The following EYS variants were observed in gnomAD, a reference collection of about 807,000 sequenced individuals.
EYS encodes EGF-like photoreceptor maintenance factor.
In EYS, 250 loss-of-function variants were observed where a neutral mutation model predicts 282.1. That is an observed-to-expected ratio of 0.89 (90% confidence interval 0.80 to 0.98). The LOEUF is 0.98. EYS is among the 50% of genes least tolerant of loss of function. The probability of loss-of-function intolerance (pLI) is 0.00; values close to 1 mark genes in which losing one functional copy is unlikely to be tolerated. For synonymous variants in EYS, 1,355 were observed against 1,282.9 expected (o/e 1.06, Z -1.20); for missense variants, 4,016 against 3,709.0 (o/e 1.08, Z -2.15).
intron 26 of EYS, among the ~76,000 whole-genome samples, chr6:64,511,057 T>C (rs1777375424): frequency 6.6e-6 from 1 of 151,854 alleles, no homozygotes; most frequent in Admixed American, 6.6e-5. Flanking sequence ...AAATTGGTGG[T>C]TGATTTCAAA....
rs1561965128 is a variant in EYS, at chr6:64,388,718, CCA to C, written c.6048_6049del (p.Gly2017IlefsTer28). 1 of 1,537,900 alleles carries C rather than the reference CCA, an allele frequency of 6.5e-7. No individual in the cohort carries two copies. Among genetic ancestry groups the C allele is most frequent in the Non-Finnish European group, 8.8e-7 (1 of 1,141,048 alleles). On this transcript the variant is annotated frameshift_variant, in exon 29 of 43. Transcript: ENST00000503581. LOFTEE classifies it high-confidence loss of function. ...GATTTTCCCATGAAGGTCTGGAAAT[CCA>C]CCAATGAAGACAGATCCTGATTTTG... is the stretch of plus-strand genomic sequence containing the variant.
chr6:65,143,169 T>G (rs1764390897), intron 12 of EYS, among the ~76,000 whole-genome samples: 1 of 152,008 alleles, frequency 6.6e-6, no homozygotes, highest in Non-Finnish European at 1.5e-5. Flanking sequence ...GATATACTCA[T>G]GCAATGGAAT....
chr6:63,931,330 ATCATCCATCGT>A lies in EYS; in HGVS notation c.7055+53042_7055+53052del, dbSNP rs539417119. On this transcript the variant is annotated intron_variant, in intron 35 of 42. Coordinates refer to ENST00000503581, the MANE Select transcript of EYS (RefSeq NM_001142800.2). ...CTCACTCACTCACTCACTTCTCTGCATCATCCATCGTTGCTACCTATAGCTTCTTCCTCAAG... is the reference window on the plus strand; with the variant it reads ...CTCACTCACTCACTCACTTCTCTGCATGCTACCTATAGCTTCTTCCTCAAG... Among the ~76,000 whole-genome samples the A allele has an allele frequency of 7.2e-5, 11 of 152,280 alleles. No individual in the cohort carries two copies. In the East Asian group the frequency reaches 2.1e-3, roughly 29 times the overall value.
chr6:65,658,050 A>C (rs574266686), intron 1 of EYS, among the ~76,000 whole-genome samples: 1 of 151,968 alleles, frequency 6.6e-6, no homozygotes, highest in African/African-American at 2.4e-5. Context: ...TTTTAGGCAT[A>C]ATGTTATTGC....
At chr6:65,402,061 T>C (rs1466913957) in intron 7 of EYS, among the ~76,000 whole-genome samples, 1 of 151,860 alleles carries the variant, frequency 6.6e-6, no homozygotes, top group Non-Finnish European at 1.5e-5. Flanking sequence ...CTAACTAATA[T>C]CTATCTGCTG....
intron 5 of EYS, among the ~76,000 whole-genome samples, chr6:65,411,628 T>C (rs1228763821): frequency 3.3e-5 from 5 of 151,988 alleles, no homozygotes; most frequent in African/African-American, 1.2e-4. Flanking sequence ...TCTTACCCAC[T>C]TCTCTGCCCT....
At chr6:64,448,273 T>C (rs1775188728) in intron 26 of EYS, among the ~76,000 whole-genome samples, 1 of 152,180 alleles carries the variant, frequency 6.6e-6, no homozygotes, top group Non-Finnish European at 1.5e-5. Context: ...CACAGCAGTC[T>C]GAGATCAAAC....
At chr6:65,512,510 A>G (rs1481513017) in intron 2 of EYS, among the ~76,000 whole-genome samples, 2 of 143,408 alleles carry the variant, frequency 1.4e-5, no homozygotes, top group East Asian at 4.2e-4. Flanking sequence ...AAAAAAAAAA[A>G]AAATTACATT....
intron 35 of EYS, among the ~76,000 whole-genome samples, chr6:63,955,078 C>CT (rs1458912302): frequency 6.6e-6 from 1 of 152,114 alleles, no homozygotes; most frequent in African/African-American, 2.4e-5. Context: ...ATCTCTTGGT[C>CT]TGGGTAGACA....
At chr6:65,443,302 G>A (rs557881101) in intron 5 of EYS, among the ~76,000 whole-genome samples, 1 of 137,394 alleles carries the variant, frequency 7.3e-6, no homozygotes, top group Admixed American at 7.6e-5. Flanking sequence ...ATGCATACAT[G>A]TGTGTACACA....
chr6:65,333,827 A>C (rs9360123), intron 11 of EYS, among the ~76,000 whole-genome samples: 108,860 of 151,166 alleles, frequency 0.72, 42,793 homozygotes, highest in East Asian at 0.96. Flanking sequence ...TTCTCTACTA[A>C]CTGTTTCATT....
In EYS at chr6:63,882,111, T is replaced by A. The variant is rs116693660; in HGVS notation, c.7056-17753A>T. On this transcript the variant is annotated intron_variant, in intron 35 of 42. Coordinates refer to ENST00000503581, the MANE Select transcript of EYS (RefSeq NM_001142800.2). ...TAATATCTAAAATCAAGTTATCTCTTTCTGAAAAGAACAAAAAGGAAGTAG... is the reference window on the plus strand; with the variant it reads ...TAATATCTAAAATCAAGTTATCTCTATCTGAAAAGAACAAAAAGGAAGTAG... Among the ~76,000 whole-genome samples the A allele has an allele frequency of 7.6e-3, 1,158 of 152,296 alleles. 18 individuals carry two copies. The highest frequency in any genetic ancestry group is 0.026 in the African/African-American group (1,086 of 41,568).
intron 22 of EYS, among the ~76,000 whole-genome samples, chr6:64,760,452 C>A (rs1261082961): frequency 6.6e-6 from 1 of 151,994 alleles, no homozygotes; most frequent in African/African-American, 2.4e-5. Flanking sequence ...TGTAACGCTG[C>A]CATAGAGTAA....
At chr6:65,370,373 A>G (rs1765095762) in intron 8 of EYS, among the ~76,000 whole-genome samples, 1 of 148,000 alleles carries the variant, frequency 6.8e-6, no homozygotes, top group Non-Finnish European at 1.5e-5. Context: ...ATCCTACTCC[A>G]GCTTCCCAAG....
intron 2 of EYS, among the ~76,000 whole-genome samples, chr6:65,497,021 A>C (rs1766280461): frequency 2.0e-5 from 3 of 152,080 alleles, no homozygotes; most frequent in Non-Finnish European, 4.4e-5. Flanking sequence ...ACAAATATGC[A>C]TATAGAAAGA....
intron 2 of EYS, among the ~76,000 whole-genome samples, chr6:65,632,270 T>C (rs562901494): frequency 4.3e-4 from 65 of 152,314 alleles, no homozygotes; most frequent in African/African-American, 1.6e-3. Context: ...TACCAGATTT[T>C]CTCTGCTCGT....
At chr6:65,264,448 A>G (rs925849996) in intron 12 of EYS, among the ~76,000 whole-genome samples, 1 of 152,134 alleles carries the variant, frequency 6.6e-6, no homozygotes, top group Non-Finnish European at 1.5e-5. Context: ...TAAGACATTC[A>G]CTTAAAACAC....
chr6:65,005,605 C>T lies in EYS; in HGVS notation c.2138-7902G>A, dbSNP rs1771620957. Among the ~76,000 whole-genome samples, 2 of 147,630 alleles carry T rather than the reference C, an allele frequency of 1.4e-5. 1 individual carries two copies. Among genetic ancestry groups the T allele is most frequent in the East Asian group, 4.3e-4 (2 of 4,684 alleles). ...AGGAAAATACCGGGCACCTGTCCGC[C>T]AGTTAAAAACGATTAGCATGGCCGC... On this transcript the variant is annotated intron_variant, in intron 13 of 42. Coordinates refer to ENST00000503581, the MANE Select transcript of EYS (RefSeq NM_001142800.2).
At chr6:63,742,955 G>A (rs144564516) in intron 41 of EYS, among the ~76,000 whole-genome samples, 308 of 152,148 alleles carry the variant, frequency 2.0e-3, no homozygotes, top group South Asian at 3.9e-3. Context: ...TTGTGTGGAC[G>A]TAAGTTTTCT....
Sources: allele counts gnomAD v4.1 joint callset (sites outside exome capture counted in the v4.1 genomes callset), GRCh38; gene constraint gnomAD v4.1.1; transcripts MANE v1.5; gene names NCBI Gene and HGNC (gene_info 2026-07-23, HGNC 2026-07-21).